The following MACROD2 variants were observed in gnomAD, a reference collection of about 807,000 sequenced individuals.
MACROD2 encodes the protein mono-ADP ribosylhydrolase 2.
A neutral mutation model predicts 70.4 loss-of-function variants in MACROD2; 36 were observed. The ratio of observed to expected loss-of-function variants is 0.51; its 90% confidence interval spans 0.39 to 0.68. MACROD2 has a LOEUF of 0.68. MACROD2 is among the 30% of genes least tolerant of loss of function. The probability of loss-of-function intolerance (pLI) is 0.00; values close to 1 mark genes in which losing one functional copy is unlikely to be tolerated. For synonymous variants in MACROD2, 172 were observed against 178.8 expected (o/e 0.96, Z 0.30); for missense variants, 496 against 538.4 (o/e 0.92, Z 0.78).
intron 5 of MACROD2, among the ~76,000 whole-genome samples, chr20:15,194,688 G>A (rs1316685546): frequency 6.6e-6 from 1 of 151,952 alleles, no homozygotes; most frequent in Non-Finnish European, 1.5e-5. Context: ...CATAATGACA[G>A]TACCATGAAA....
rs192089342 is a variant in MACROD2 at position 14,615,957 on chromosome 20, G to A, written c.302-68886G>A. On this transcript the variant is annotated intron_variant, in intron 4 of 17. Coordinates refer to ENST00000684519, the MANE Select transcript of MACROD2 (RefSeq NM_001351661.2). ...GGTGGTGTGAGTGGTCAGTCACCAG[G>A]GGATAGCCTAGTGAAGAGAGGCACA... 2.6e-3 allele frequency among the ~76,000 whole-genome samples: 401 copies of A among 152,168 alleles called. 2 individuals are homozygous for A. The highest frequency in any genetic ancestry group is 9.4e-3 in the African/African-American group (391 of 41,534).
intron 3 of MACROD2, among the ~76,000 whole-genome samples, chr20:14,130,871 T>G (rs7260702): frequency 0.026 from 4,024 of 152,202 alleles, 52 homozygotes; most frequent in Non-Finnish European, 0.032. Context: ...CAAGTTTTGT[T>G]TAAATTTTAT....
intron 10 of MACROD2, among the ~76,000 whole-genome samples, chr20:15,919,849 GA>G (rs908769612): frequency 7.4e-5 from 11 of 149,306 alleles, no homozygotes; most frequent in African/African-American, 2.5e-4. Context: ...TGGACTTACA[GA>G]AAAAAAAAAT....
intron 8 of MACROD2, among the ~76,000 whole-genome samples, chr20:15,634,685 A>G (rs1170768821): frequency 6.6e-6 from 1 of 152,184 alleles, no homozygotes; most frequent in African/African-American, 2.4e-5. Flanking sequence ...GGTGGTAGAG[A>G]TGGCAGCCAG....
At chr20:15,915,325 A>G (rs189876615) in intron 10 of MACROD2, among the ~76,000 whole-genome samples, 144 of 152,292 alleles carry the variant, frequency 9.5e-4, no homozygotes, top group African/African-American at 2.9e-3. Context: ...TATTAGGCTT[A>G]AACTCAGGTA....
intron 4 of MACROD2, among the ~76,000 whole-genome samples, chr20:14,613,169 T>C (rs1600455635): frequency 6.6e-6 from 1 of 152,258 alleles, no homozygotes; most frequent in East Asian, 1.9e-4. Flanking sequence ...CAGGAGTTTA[T>C]GTTCAAGTCG....
chr20:15,691,659 C>T (rs530926316), intron 8 of MACROD2, among the ~76,000 whole-genome samples: 6 of 152,246 alleles, frequency 3.9e-5, no homozygotes, highest in African/African-American at 1.4e-4. Context: ...TGGTGCCTGG[C>T]GCTCACTAGG....
intron 6 of MACROD2, among the ~76,000 whole-genome samples, chr20:15,386,966 CT>C (rs1214265305): frequency 2.0e-5 from 3 of 152,094 alleles, no homozygotes; most frequent in Non-Finnish European, 4.4e-5. Flanking sequence ...CCCTTTCCCC[CT>C]GCTATCCTTC....
intron 5 of MACROD2, among the ~76,000 whole-genome samples, chr20:15,066,804 C>T (rs915075349): frequency 3.3e-5 from 5 of 151,886 alleles, no homozygotes; most frequent in African/African-American, 7.3e-5. Flanking sequence ...ATCGCTTGAA[C>T]CCGCAAGGCG....
At chr20:15,911,276 G>A (rs2065232991) in intron 10 of MACROD2, among the ~76,000 whole-genome samples, 1 of 152,178 alleles carries the variant, frequency 6.6e-6, no homozygotes, top group African/African-American at 2.4e-5. Flanking sequence ...GAGGAAAACA[G>A]GGGAAGTATC....
intron 4 of MACROD2, among the ~76,000 whole-genome samples, chr20:14,521,465 T>C (rs765081254): frequency 3.3e-5 from 5 of 152,212 alleles, no homozygotes; most frequent in Non-Finnish European, 7.3e-5. Context: ...AGATTATCTT[T>C]ATATCCCTCT....
rs1364220824 is a variant in MACROD2, at chr20:15,941,883, C to G, written c.907+4339C>G. ...TTGAGGCTCATTCAGTTATTTCCAGCTTTGCTTGTTAGTGGGCTGGCTTTA... is the reference window on the plus strand; with the variant it reads ...TTGAGGCTCATTCAGTTATTTCCAGGTTTGCTTGTTAGTGGGCTGGCTTTA... On this transcript the variant is annotated intron_variant, in intron 12 of 17. Coordinates refer to ENST00000684519, the MANE Select transcript of MACROD2 (RefSeq NM_001351661.2). Among the ~76,000 whole-genome samples, 3 of 152,214 alleles carry G rather than the reference C, an allele frequency of 2.0e-5. No individual in the cohort carries two copies. The East Asian group carries it at 5.8e-4, about 29-fold the overall frequency.
At chr20:14,085,554 TA>T in intron 2 of MACROD2, 66 bp from the exon 3 acceptor site, 3 of 953,402 alleles carry the variant, frequency 3.1e-6, no homozygotes, top group South Asian at 2.5e-5. Context: ...TAGTCTTGAG[TA>T]AAAAATTATC....
chr20:15,190,417 A>G (rs549186679), intron 5 of MACROD2, among the ~76,000 whole-genome samples: 1 of 152,256 alleles, frequency 6.6e-6, no homozygotes, highest in Non-Finnish European at 1.5e-5. Flanking sequence ...ATTCAACTGA[A>G]TGCTCTTCCT....
At chr20:15,260,813 C>A (rs1167371991) in intron 6 of MACROD2, among the ~76,000 whole-genome samples, 2 of 151,970 alleles carry the variant, frequency 1.3e-5, no homozygotes, top group Non-Finnish European at 2.9e-5. Context: ...TCTCTTTCTG[C>A]TGTTAATAAT....
intron 17 of MACROD2, 150 bp downstream of exon 17, chr20:16,044,789 G>GT: frequency 1.5e-6 from 1 of 686,816 alleles, no homozygotes; most frequent in Non-Finnish European, 2.5e-6. Flanking sequence ...ATAACACAGC[G>GT]TAAGGGGAAA....
chr20:15,252,162 G>C (rs1177345908), intron 6 of MACROD2, among the ~76,000 whole-genome samples: 3 of 152,154 alleles, frequency 2.0e-5, no homozygotes, highest in African/African-American at 7.2e-5. Flanking sequence ...AGCTATACTA[G>C]GCTTCTGTTT....
intron 8 of MACROD2, among the ~76,000 whole-genome samples, chr20:15,600,594 G>A (rs1458367254): frequency 1.3e-5 from 2 of 152,152 alleles, no homozygotes; most frequent in Admixed American, 6.5e-5. Context: ...ATAGTTGTGT[G>A]ATGTCCAATA....
intron 5 of MACROD2, among the ~76,000 whole-genome samples, chr20:15,027,552 GGT>G (rs2075241406): frequency 2.9e-5 from 4 of 136,316 alleles, no homozygotes; most frequent in Non-Finnish European, 3.4e-5. Context: ...TGATGGTGGT[GGT>G]GGTGGGGGGA....
Sources: gnomAD v4.1 joint callset for allele counts (sites outside exome capture counted in the v4.1 genomes callset) on GRCh38, gnomAD v4.1.1 for gene constraint, MANE v1.5 for transcripts, NCBI Gene and HGNC (gene_info 2026-07-23, HGNC 2026-07-21) for gene names.